Variants in FAT3 observed in about 807,000 individuals in gnomAD.
FAT3 encodes protocadherin Fat 3.
Under a neutral mutation model 310.2 loss-of-function variants are expected in FAT3, and 95 were observed. That is an observed-to-expected ratio of 0.31 (90% CI 0.26 to 0.36). FAT3 has a LOEUF of 0.36. Among genes scored for constraint, FAT3 ranks in the 10% least tolerant of loss-of-function variants. FAT3 has a pLI of 1.00. For synonymous variants in FAT3, 2,314 were observed against 2,192.9 expected (o/e 1.06, Z -1.54); for missense variants, 5,408 against 5,715.6 (o/e 0.95, Z 1.74).
At chr11:92,280,214 G>A (rs941591751) in intron 1 of FAT3, among the ~76,000 whole-genome samples, 5 of 152,106 alleles carry the variant, frequency 3.3e-5, no homozygotes, top group Admixed American at 6.6e-5. Context: ...TTGACTCTCT[G>A]ACTAGCTTTT....
In FAT3 at chr11:92,891,387, AT is replaced by A. The variant is rs909622105; in HGVS notation, c.*277del. On this transcript the variant is annotated 3_prime_UTR_variant, in exon 28 of 28. Transcript: ENST00000525166. ...CTAAAAATGCAAAGAGGGAAAAATT[AT>A]TTCACCCACTAAGTTATACAGCCAG... The A allele has an allele frequency of 2.7e-5, 13 of 475,726 alleles. No individual in the cohort carries two copies. Among genetic ancestry groups the A allele is most frequent in the Non-Finnish European group, 5.0e-5 (13 of 260,822 alleles). The allele number at this position is 475,726 out of a possible 1,614,324, so 29.5% of individuals were successfully genotyped here.
At chr11:92,534,281 G>A (rs1035283519) in intron 3 of FAT3, among the ~76,000 whole-genome samples, 1 of 152,116 alleles carries the variant, frequency 6.6e-6, no homozygotes, top group Non-Finnish European at 1.5e-5. Flanking sequence ...AGTCCTGGGG[G>A]GGGAGGGGAA....
intron 2 of FAT3, 54 bp downstream of exon 2, chr11:92,355,458 A>G (rs1197698982): frequency 1.6e-5 from 24 of 1,527,874 alleles, no homozygotes; most frequent in African/African-American, 2.8e-5. Context: ...TAAATGGTCA[A>G]CAGTGGAAAA....
rs150626006 is a variant in FAT3, at chr11:92,536,923, C to G, written c.3607+11975C>G. The stretch of plus-strand genomic sequence containing the variant: ...AAGTTCACTGGTAGTCATAGCTTAT[C>G]CAGATTTTAGTCCAGACCCTATCAC... On this transcript the variant is annotated intron_variant, in intron 3 of 27. Coordinates refer to ENST00000525166, the MANE Select transcript of FAT3 (RefSeq NM_001367949.2). Among the ~76,000 whole-genome samples, 270 of 152,240 alleles carry G rather than the reference C, an allele frequency of 1.8e-3. 1 individual carries two copies. The highest frequency in any genetic ancestry group is 6.1e-3 in the African/African-American group (253 of 41,544).
In FAT3 at chr11:92,541,814, G is replaced by A. The variant is rs143614279; in HGVS notation, c.3607+16866G>A. Among the ~76,000 whole-genome samples the A allele has an allele frequency of 2.3e-3, 348 of 152,150 alleles. 2 individuals are homozygous for A. Among genetic ancestry groups the A allele is most frequent in the Admixed American group, 0.016 (250 of 15,268 alleles). On this transcript the variant is annotated intron_variant, in intron 3 of 27. Coordinates refer to ENST00000525166, the MANE Select transcript of FAT3 (RefSeq NM_001367949.2). ...GCAGGTAATTATTTGGAAAATGCCC[G>A]TTACTTTTATAAATAGGAGAAATAC...
At chr11:92,307,019 A>G (rs1036177208) in intron 1 of FAT3, among the ~76,000 whole-genome samples, 1 of 150,562 alleles carries the variant, frequency 6.6e-6, no homozygotes. Flanking sequence ...CTGATCTCCA[A>G]CTCTTGGGGT....
At chr11:92,727,445 TA>T (rs34774306) in intron 4 of FAT3, among the ~76,000 whole-genome samples, 20 of 151,268 alleles carry the variant, frequency 1.3e-4, no homozygotes, top group African/African-American at 2.9e-4. Context: ...TAATAATGCT[TA>T]AAAAAAAACA....
Position 92,289,149 on chromosome 11 carries a change from T to C in FAT3, c.-17-62947T>C, listed in dbSNP as rs142900428. Among the ~76,000 whole-genome samples, 78 of 152,226 alleles carry C rather than the reference T, an allele frequency of 5.1e-4. No homozygotes were observed. In the East Asian group the frequency reaches 0.014, roughly 27 times the overall value. ...GGCTCATCTATGAGCAGGTGTTCTG[T>C]AAGTTATCTGTTTGGTGGTTTTAGT... On this transcript the variant is annotated intron_variant, in intron 1 of 27. Coordinates refer to ENST00000525166, the MANE Select transcript of FAT3 (RefSeq NM_001367949.2).
intron 3 of FAT3, among the ~76,000 whole-genome samples, chr11:92,684,435 A>G (rs490958): frequency 0.15 from 22,548 of 152,128 alleles, 1,808 homozygotes; most frequent in African/African-American, 0.18. Context: ...GCAGCTCTTA[A>G]TTTTAAATTT....
chr11:92,239,044 CTA>C (rs1864555430), intron 1 of FAT3, among the ~76,000 whole-genome samples: 1 of 152,102 alleles, frequency 6.6e-6, no homozygotes, highest in Non-Finnish European at 1.5e-5. Flanking sequence ...CCCAACAACT[CTA>C]TGAGGCAAAT....
In FAT3 at chr11:92,883,413, G is replaced by T. The variant is rs1310357435; in HGVS notation, c.12937+20G>T. 3.2e-6 allele frequency: 5 copies of T among 1,582,278 alleles called. No individual in the cohort carries two copies. In the South Asian group the frequency reaches 3.5e-5, roughly 11 times the overall value. Reference sequence around the variant, plus strand: ...CTGAGAGTGAGTAGGAAGTGGTAATGCTCACCCCTCGGTGCTTACAGGGAA... The same window carrying T: ...CTGAGAGTGAGTAGGAAGTGGTAATTCTCACCCCTCGGTGCTTACAGGGAA... On this transcript the variant is annotated intron_variant, in intron 24 of 27. Transcript: ENST00000525166. The surrounding 1 kb of genome is among the most constrained non-coding windows in gnomAD (Gnocchi z 4.2).
At position 92,399,182 on chromosome 11, in the gene FAT3, G is replaced by A. The variant is rs185339768; in HGVS notation, c.3292+43778G>A. ...ATGTAAATAGTTTATGAGTTCTCCA[G>A]CCTTTTAATGTAAGACTAAGAGTTT... On this transcript the variant is annotated intron_variant, in intron 2 of 27. Coordinates refer to ENST00000525166, the MANE Select transcript of FAT3 (RefSeq NM_001367949.2). 9.7e-4 allele frequency among the ~76,000 whole-genome samples: 148 copies of A among 152,280 alleles called. 1 individual carries two copies. Among genetic ancestry groups the A allele is most frequent in the African/African-American group, 3.2e-3 (134 of 41,558 alleles).
chr11:92,260,270 T>C (rs1289016669), intron 1 of FAT3, among the ~76,000 whole-genome samples: 1 of 152,006 alleles, frequency 6.6e-6, no homozygotes, highest in Non-Finnish European at 1.5e-5. Context: ...GTGTGTGTTT[T>C]AAGAGCGGTC....
chr11:92,407,258 GT>G (rs1364145349), intron 2 of FAT3, among the ~76,000 whole-genome samples: 2 of 152,130 alleles, frequency 1.3e-5, no homozygotes, highest in South Asian at 2.1e-4. Context: ...GAGAGAATGA[GT>G]TTTTTTTATT....
At position 92,486,130 on chromosome 11, in the gene FAT3, G is replaced by GTTTTTTTTTTTTT. The variant is rs71064714; in HGVS notation, c.3293-38488_3293-38476dup. On this transcript the variant is annotated intron_variant, in intron 2 of 27. Coordinates refer to ENST00000525166, the MANE Select transcript of FAT3 (RefSeq NM_001367949.2). ...GTGAAATAGAGGAGAGGCTGCTGGG[G>GTTTTTTTTTTTTT]TTTTTTTTTTTTTTTTTTTTTTTTT... 2.4e-3 allele frequency among the ~76,000 whole-genome samples: 90 copies of GTTTTTTTTTTTTT among 37,138 alleles called. 8 individuals are homozygous for GTTTTTTTTTTTTT. Among genetic ancestry groups the GTTTTTTTTTTTTT allele is most frequent in the East Asian group, 5.9e-3 (4 of 676 alleles). 24.4% of individuals were successfully genotyped at this position (37,138 alleles called of 152,430 possible).
chr11:92,235,567 T>C (rs1172130860), intron 1 of FAT3, among the ~76,000 whole-genome samples: 1 of 144,344 alleles, frequency 6.9e-6, no homozygotes, highest in South Asian at 2.1e-4. Context: ...TAAAATTGAA[T>C]GACTCTATTT....
At chr11:92,756,320 A>G (rs767105120) in intron 4 of FAT3, among the ~76,000 whole-genome samples, 1 of 152,236 alleles carries the variant, frequency 6.6e-6, no homozygotes, top group Non-Finnish European at 1.5e-5. Context: ...AGTTATAACA[A>G]TATACTGTCA....
intron 3 of FAT3, among the ~76,000 whole-genome samples, chr11:92,602,481 G>C (rs572415147): frequency 6.6e-6 from 1 of 152,308 alleles, no homozygotes; most frequent in South Asian, 2.1e-4. Flanking sequence ...CGGTTAGCCT[G>C]TTCAAGATGA....
At chr11:92,729,297 A>C (rs1272442075) in intron 4 of FAT3, among the ~76,000 whole-genome samples, 1 of 152,188 alleles carries the variant, frequency 6.6e-6, no homozygotes, top group African/African-American at 2.4e-5. Flanking sequence ...GGCTACATGC[A>C]GGAAAACAGC....
Sources: gnomAD v4.1 joint callset for allele counts (sites outside exome capture counted in the v4.1 genomes callset) on GRCh38, gnomAD v4.1.1 for gene constraint, Gnocchi (gnomAD v3.1) non-coding constraint, MANE v1.5 for transcripts, NCBI Gene and HGNC (gene_info 2026-07-23, HGNC 2026-07-21) for gene names.